NAP1L1: variants seen among roughly 807,000 people sequenced by gnomAD.
NAP1L1 encodes nucleosome assembly protein 1 like 1.
Under a neutral mutation model 58.9 loss-of-function variants are expected in NAP1L1, and 9 were observed. The observed-to-expected ratio is 0.15, with a 90% CI of 0.09 to 0.27. The LOEUF is 0.27. Among genes scored for constraint, NAP1L1 ranks in the 10% least tolerant of loss-of-function variants. The probability of loss-of-function intolerance (pLI) is 1.00; values close to 1 mark genes in which losing one functional copy is unlikely to be tolerated. For synonymous variants in NAP1L1, 130 were observed against 138.3 expected (o/e 0.94, Z 0.42); for missense variants, 302 against 458.8 (o/e 0.66, Z 3.12).
At chr12:76,063,999 C>A (rs751207470) in intron 4 of NAP1L1, among the ~76,000 whole-genome samples, 7 of 151,072 alleles carry the variant, frequency 4.6e-5, no homozygotes, top group Non-Finnish European at 1.0e-4. Context: ...CATAGGGAGA[C>A]CCCCATCTCT....
Position 76,038,611 on chromosome 12 carries a change from G to A in NAP1L1, c.*9818C>T, listed in dbSNP as rs1948523911. On this transcript the variant is annotated 3_prime_UTR_variant, in exon 15 of 15. Transcript: ENST00000618691. ...GAAGAACAACTCAGGCTTCAGAGAG[G>A]GTAAGTTTCATTACAGACAAGGTAA... 1 of 152,122 alleles carries A rather than the reference G, an allele frequency of 6.6e-6. No individual in the cohort carries two copies. The highest frequency in any genetic ancestry group is 2.4e-5 in the African/African-American group (1 of 41,406). 9.4% of individuals were successfully genotyped at this position (152,122 alleles called of 1,614,324 possible).
chr12:76,050,725 T>C, intron 11 of NAP1L1, 72 bp from the exon 12 acceptor site: 2 of 1,508,720 alleles, frequency 1.3e-6, no homozygotes, highest in Middle Eastern at 1.8e-4. Flanking sequence ...CATGTAAGAC[T>C]CTTAGAGGCT....
intron 4 of NAP1L1, among the ~76,000 whole-genome samples, chr12:76,064,133 A>G (rs1949548457): frequency 6.6e-6 from 1 of 152,186 alleles, no homozygotes; most frequent in Non-Finnish European, 1.5e-5. Context: ...TCACAGAGTA[A>G]GGCCTTGTCA....
intron 3 of NAP1L1, 43 bp from the exon 4 acceptor site, chr12:76,067,516 T>G (rs747680270): frequency 2.7e-6 from 4 of 1,477,588 alleles, no homozygotes; most frequent in Middle Eastern, 1.7e-4. Flanking sequence ...TTTATGAAAA[T>G]GTATTATGCT....
intron 11 of NAP1L1, among the ~76,000 whole-genome samples, chr12:76,051,002 G>GAA (rs57970257): frequency 0.078 from 6,546 of 83,616 alleles, 665 homozygotes; most frequent in African/African-American, 0.24. Flanking sequence ...CTGGGCAACC[G>GAA]AAAAAAAAAA....
chr12:76,074,030 G>A (rs911986054), intron 2 of NAP1L1, 173 bp downstream of exon 2: 1 of 549,018 alleles, frequency 1.8e-6, no homozygotes, highest in Non-Finnish European at 3.3e-6. Flanking sequence ...ATATGCTAAT[G>A]ATCATATATT....
intron 1 of NAP1L1, among the ~76,000 whole-genome samples, chr12:76,084,362 C>T (rs1950530707): frequency 6.6e-6 from 1 of 152,178 alleles, no homozygotes; most frequent in African/African-American, 2.4e-5. Flanking sequence ...GATAAAAGCG[C>T]TGGTCGGCCC....
Position 76,064,557 on chromosome 12 carries a change from C to T in NAP1L1, c.206+2814G>A, listed in dbSNP as rs569200007. ...TAGAGCAATCCTAAAAAAGAGATAA[C>T]AGCAGCAGTAACAAAAGACAGTATG... On this transcript the variant is annotated intron_variant, in intron 4 of 14. Transcript: ENST00000618691. 2.0e-5 allele frequency among the ~76,000 whole-genome samples: 3 copies of T among 152,112 alleles called. No individual in the cohort carries two copies. In the East Asian group the frequency reaches 5.8e-4, roughly 29 times the overall value.
rs1001982892 is a variant in NAP1L1 at position 76,037,092 on chromosome 12, CAAAT to C, written c.*11333_*11336del. ...CAAAATAAATAATTAAATAAATAAA[CAAAT>C]AGTCTCACAGAGTGCAGTTTAGACT... On this transcript the variant is annotated 3_prime_UTR_variant, in exon 15 of 15. Transcript: ENST00000618691. 21 of 152,078 alleles carry C rather than the reference CAAAT, an allele frequency of 1.4e-4. No individual in the cohort carries two copies. Among genetic ancestry groups the C allele is most frequent in the African/African-American group, 2.6e-4 (11 of 41,524 alleles). The allele number at this position is 152,078 out of a possible 1,614,324, so 9.4% of individuals were successfully genotyped here. A position where few individuals can be genotyped will look rare whatever the true frequency, so the allele number is the denominator to read the frequency against.
chr12:76,077,513 GACCACAT>G (rs1226792763), intron 1 of NAP1L1, among the ~76,000 whole-genome samples: 1 of 152,254 alleles, frequency 6.6e-6, no homozygotes, highest in East Asian at 1.9e-4. Context: ...TTCTCAGGTA[GACCACAT>G]TGAGAAACAC....
chr12:76,056,183 AT>A (rs762408574), intron 6 of NAP1L1, 22 bp from the exon 7 acceptor site: 3 of 1,602,884 alleles, frequency 1.9e-6, no homozygotes, highest in East Asian at 4.5e-5. Context: ...GACAGCAAAC[AT>A]TATTTAATAC....
chr12:76,079,044 A>AT (rs1016885520), intron 1 of NAP1L1, among the ~76,000 whole-genome samples: 2 of 152,086 alleles, frequency 1.3e-5, no homozygotes, highest in Non-Finnish European at 2.9e-5. Flanking sequence ...TACATCAGTA[A>AT]AAAGGCAAGA....
rs993516519 is a variant in NAP1L1 at position 76,039,236 on chromosome 12, A to G, written c.*9193T>C. 1 of 152,186 alleles carries G rather than the reference A, an allele frequency of 6.6e-6. No individual in the cohort carries two copies. The highest frequency in any genetic ancestry group is 1.5e-5 in the Non-Finnish European group (1 of 68,040). The allele number at this position is 152,186 out of a possible 1,614,324, so 9.4% of individuals were successfully genotyped here. A position where few individuals can be genotyped will look rare whatever the true frequency, so the allele number is the denominator to read the frequency against. On this transcript the variant is annotated 3_prime_UTR_variant, in exon 15 of 15. Coordinates refer to ENST00000618691, the MANE Select transcript of NAP1L1 (RefSeq NM_004537.7). ...CCTACTTTTAGCACTGTGAGCATAA[A>G]CCATAGGTTCTTCTTTTTACAGGAG...
chr12:76,083,397 T>C (rs1268427496), intron 1 of NAP1L1, among the ~76,000 whole-genome samples: 4 of 150,630 alleles, frequency 2.7e-5, no homozygotes, highest in Non-Finnish European at 5.9e-5. Context: ...TCCGATCTTT[T>C]GGCTTCCCTG....
At chr12:76,063,197 T>C (rs771714985) in intron 4 of NAP1L1, among the ~76,000 whole-genome samples, 2 of 152,198 alleles carry the variant, frequency 1.3e-5, no homozygotes, top group Non-Finnish European at 2.9e-5. Flanking sequence ...AATATCTTGG[T>C]AAATTTCTTT....
rs1457934341 is a variant in NAP1L1, at chr12:76,043,805, T to C, written c.*4624A>G. The stretch of plus-strand genomic sequence containing the variant: ...CTCAGCTAAAAGCTCATACAAATTT[T>C]GAGCCTTCTGGTAGCAACTATTTTA... On this transcript the variant is annotated 3_prime_UTR_variant, in exon 15 of 15. Transcript: ENST00000618691. 6.6e-6 allele frequency: 1 copy of C among 152,194 alleles called. No individual in the cohort carries two copies. Among genetic ancestry groups the C allele is most frequent in the Non-Finnish European group, 1.5e-5 (1 of 68,022 alleles). The allele number at this position is 152,194 out of a possible 1,614,324, so 9.4% of individuals were successfully genotyped here.
intron 1 of NAP1L1, among the ~76,000 whole-genome samples, chr12:76,081,588 A>T (rs1010337525): frequency 6.6e-6 from 1 of 152,300 alleles, no homozygotes; most frequent in South Asian, 2.1e-4. Flanking sequence ...AATATATATA[A>T]CCCTGTTTCC....
At chr12:76,080,225 A>G (rs1169323195) in intron 1 of NAP1L1, among the ~76,000 whole-genome samples, 4 of 152,234 alleles carry the variant, frequency 2.6e-5, no homozygotes, top group Non-Finnish European at 5.9e-5. Flanking sequence ...AGCTCAATTC[A>G]TTATTCATGT....
In NAP1L1 at chr12:76,084,639, G is replaced by A. The variant is rs1950546293; in HGVS notation, c.-93C>T. 1 of 154,086 alleles carries A rather than the reference G, an allele frequency of 6.5e-6. No individual in the cohort carries two copies. 9.5% of individuals were successfully genotyped at this position (154,086 alleles called of 1,614,324 possible). A position where few individuals can be genotyped will look rare whatever the true frequency, so the allele number is the denominator to read the frequency against. ...ACTCAGGGCGGCAGCGGCAGCAGCAGCGGGAGGAGCAGGAGGCGGCGCCGC... is the reference window on the plus strand; with the variant it reads ...ACTCAGGGCGGCAGCGGCAGCAGCAACGGGAGGAGCAGGAGGCGGCGCCGC... On this transcript the variant is annotated 5_prime_UTR_variant, in exon 1 of 15. Coordinates refer to ENST00000618691, the MANE Select transcript of NAP1L1 (RefSeq NM_004537.7).
Sources: allele counts gnomAD v4.1 joint callset (sites outside exome capture counted in the v4.1 genomes callset), GRCh38; gene constraint gnomAD v4.1.1; transcripts MANE v1.5; gene names NCBI Gene and HGNC (gene_info 2026-07-23, HGNC 2026-07-21).